RASGEF1C: variants seen among roughly 807,000 people sequenced by gnomAD.
RASGEF1C encodes the protein RasGEF domain family member 1C.
In RASGEF1C, 27 loss-of-function variants were observed where a neutral mutation model predicts 58.1. The observed-to-expected ratio is 0.46, with a 90% CI of 0.34 to 0.64. The LOEUF is 0.64. Ranked by LOEUF, RASGEF1C falls within the 30% of genes least tolerant of loss-of-function variation. The probability of loss-of-function intolerance (pLI) is 0.01; values close to 1 mark genes in which losing one functional copy is unlikely to be tolerated. For missense variants in RASGEF1C, 502 were observed against 605.1 expected (o/e 0.83, Z 1.79); for synonymous variants, 243 against 246.3 (o/e 0.99, Z 0.13).
chr5:180,146,615 A>G (rs1766664932), intron 1 of RASGEF1C, among the ~76,000 whole-genome samples: 1 of 151,866 alleles, frequency 6.6e-6, no homozygotes, highest in South Asian at 2.1e-4. Context: ...CTATTGTATT[A>G]CATTGATTGA....
intron 6 of RASGEF1C, among the ~76,000 whole-genome samples, chr5:180,121,399 C>T (rs992618022): frequency 2.0e-4 from 31 of 152,032 alleles, no homozygotes; most frequent in Middle Eastern, 3.4e-3. Flanking sequence ...CTGCAAGCTC[C>T]GCCTCCCGGG....
intron 11 of RASGEF1C, among the ~76,000 whole-genome samples, chr5:180,113,854 G>T (rs1364941119): frequency 6.6e-6 from 1 of 152,040 alleles, no homozygotes; most frequent in African/African-American, 2.4e-5. Context: ...TGGATGGAGG[G>T]ATCGAGGATA....
intron 1 of RASGEF1C, among the ~76,000 whole-genome samples, chr5:180,163,252 T>TTTTTTTTTTTTTTG (rs1766972601): frequency 3.7e-5 from 3 of 80,960 alleles, no homozygotes; most frequent in African/African-American, 5.3e-5. Context: ...TTTTTTTTTT[T>TTTTTTTTTTTTTTG]CCAGCCTATT....
chr5:180,200,951 A>G (rs1756384622), intron 1 of RASGEF1C, among the ~76,000 whole-genome samples: 1 of 152,170 alleles, frequency 6.6e-6, no homozygotes, highest in South Asian at 2.1e-4. Flanking sequence ...AAAGTCCTTT[A>G]GCCAAGTGTG....
chr5:180,101,843 G>A (rs545512979), intron 13 of RASGEF1C, among the ~76,000 whole-genome samples: 2 of 152,316 alleles, frequency 1.3e-5, no homozygotes, highest in African/African-American at 2.4e-5. Context: ...GCCACCAGCC[G>A]TGGGGGAGTC....
At chr5:180,176,765 C>G (rs918904926) in intron 1 of RASGEF1C, among the ~76,000 whole-genome samples, 1 of 152,096 alleles carries the variant, frequency 6.6e-6, no homozygotes, top group Non-Finnish European at 1.5e-5. Context: ...ACCATGTTGG[C>G]CAGGATGGTC....
chr5:180,165,878 T>C (rs866384720), intron 1 of RASGEF1C, among the ~76,000 whole-genome samples: 7 of 150,094 alleles, frequency 4.7e-5, no homozygotes, highest in Non-Finnish European at 8.9e-5. Context: ...GCCTCCTGAG[T>C]AGCTGGGACT....
intron 1 of RASGEF1C, among the ~76,000 whole-genome samples, chr5:180,152,418 A>G (rs1470356811): frequency 6.6e-6 from 1 of 152,058 alleles, no homozygotes; most frequent in African/African-American, 2.4e-5. Flanking sequence ...TTGAAGGGAC[A>G]TGGATGAAGC....
intron 11 of RASGEF1C, among the ~76,000 whole-genome samples, chr5:180,113,227 A>AT (rs1318879865): frequency 1.3e-5 from 1 of 79,284 alleles, no homozygotes; most frequent in African/African-American, 4.5e-5. Context: ...GGACGGAGGG[A>AT]CAGGGGATGG....
intron 6 of RASGEF1C, among the ~76,000 whole-genome samples, chr5:180,125,650 C>T (rs374976588): frequency 1.3e-5 from 2 of 152,032 alleles, no homozygotes; most frequent in African/African-American, 2.4e-5. Flanking sequence ...GGCGTGGTGG[C>T]GCATGCCTGT....
intron 1 of RASGEF1C, among the ~76,000 whole-genome samples, chr5:180,160,098 A>C: frequency 6.6e-6 from 1 of 152,212 alleles, no homozygotes; most frequent in Non-Finnish European, 1.5e-5. Flanking sequence ...TATCCCACGG[A>C]AGGTGCACCA....
chr5:180,207,172 T>C (rs1219732016), intron 1 of RASGEF1C, among the ~76,000 whole-genome samples: 2 of 152,268 alleles, frequency 1.3e-5, no homozygotes, highest in Admixed American at 6.5e-5. Flanking sequence ...ATCCCGATGC[T>C]GACCTAGCAG....
At chr5:180,138,751 C>T (rs560057342) in intron 1 of RASGEF1C, among the ~76,000 whole-genome samples, 14 of 152,148 alleles carry the variant, frequency 9.2e-5, no homozygotes, top group Admixed American at 6.5e-4. Context: ...CCATCCTCAC[C>T]GCCTATCACA....
At position 180,113,152 on chromosome 5, in the gene RASGEF1C, T is replaced by G. The variant is rs1383870476; in HGVS notation, c.1179+1294A>C. On this transcript the variant is annotated intron_variant, in intron 11 of 13. Transcript: ENST00000361132. ...GAGGGATCGAGGATGGATGGAGGGA[T>G]CTGGGCTGGACGGAGGGACCGGGGA... is the stretch of plus-strand genomic sequence containing the variant. Among the ~76,000 whole-genome samples the G allele has an allele frequency of 2.6e-5, 2 of 75,864 alleles. 1 individual carries two copies. The highest frequency in any genetic ancestry group is 5.2e-5 in the Non-Finnish European group (2 of 38,116). The allele number at this position is 75,864 out of a possible 152,430, so 49.8% of individuals were successfully genotyped here.
At position 180,182,370 on chromosome 5, in the gene RASGEF1C, C is replaced by T. The variant is rs369024779; in HGVS notation, c.-7+26658G>A. On this transcript the variant is annotated intron_variant, in intron 1 of 13. Coordinates refer to ENST00000361132, the MANE Select transcript of RASGEF1C (RefSeq NM_175062.4). ...CGGACCTTCACGGTGAGTGTTACAG[C>T]TCTTAAAGGTGGCGCGGACCCAAAC... 5.2e-4 allele frequency among the ~76,000 whole-genome samples: 79 copies of T among 152,174 alleles called. 2 individuals are homozygous for T. The East Asian group carries it at 0.012, about 23-fold the overall frequency.
chr5:180,171,859 G>C (rs1483515160), intron 1 of RASGEF1C, among the ~76,000 whole-genome samples: 2 of 152,190 alleles, frequency 1.3e-5, no homozygotes, highest in East Asian at 1.9e-4. Flanking sequence ...CGGCAGCCAG[G>C]GTGTGGGCCC....
intron 11 of RASGEF1C, among the ~76,000 whole-genome samples, chr5:180,112,156 G>A (rs1765969535): frequency 6.6e-6 from 1 of 152,082 alleles, no homozygotes; most frequent in Admixed American, 6.5e-5. Flanking sequence ...AAGGCAGGGG[G>A]TTCCCACGCC....
intron 1 of RASGEF1C, among the ~76,000 whole-genome samples, chr5:180,150,410 A>G (rs1766727382): frequency 6.6e-6 from 1 of 152,134 alleles, no homozygotes; most frequent in African/African-American, 2.4e-5. Context: ...TTTCCTTCAA[A>G]TGATCCATGT....
intron 5 of RASGEF1C, among the ~76,000 whole-genome samples, chr5:180,127,946 A>G (rs1475946214): frequency 6.6e-6 from 1 of 152,178 alleles, no homozygotes; most frequent in Non-Finnish European, 1.5e-5. Context: ...GCCAGGCTCC[A>G]CGCTGGGTAA....
Sources: gnomAD v4.1 joint callset for allele counts (sites outside exome capture counted in the v4.1 genomes callset) on GRCh38, gnomAD v4.1.1 for gene constraint, MANE v1.5 for transcripts, NCBI Gene and HGNC (gene_info 2026-07-23, HGNC 2026-07-21) for gene names.